Variants in KIF26B observed in about 807,000 individuals in gnomAD.
KIF26B encodes kinesin family member 26B, also known as kinesin-like protein KIF26B.
Under a neutral mutation model 151.2 loss-of-function variants are expected in KIF26B, and 63 were observed. The ratio of observed to expected loss-of-function variants is 0.42; its 90% CI spans 0.34 to 0.51. The LOEUF (loss-of-function observed/expected upper bound fraction) is 0.51, where lower values mean the gene tolerates loss of function less well. KIF26B is among the 20% of genes least tolerant of loss of function. The pLI is 0.07. For synonymous variants in KIF26B, 1,357 were observed against 1,262.1 expected (o/e 1.08, Z -1.59); for missense variants, 2,813 against 2,913.6 (o/e 0.97, Z 0.79).
rs1477818999 is a variant in KIF26B at position 245,547,241 on chromosome 1, A to T, written c.1350+6291A>T. Among the ~76,000 whole-genome samples the T allele has an allele frequency of 2.6e-5, 4 of 152,218 alleles. No homozygotes were observed. In the East Asian group the frequency reaches 7.7e-4, roughly 29 times the overall value. On this transcript the variant is annotated intron_variant, in intron 5 of 14. Coordinates refer to ENST00000407071, the MANE Select transcript of KIF26B (RefSeq NM_018012.4). Reference sequence around the variant, plus strand: ...AAAGAGTGGGAACTGTTAGGAGAATATTCTCCGTTAGAGGTTACTGGGCAG... The same window carrying T: ...AAAGAGTGGGAACTGTTAGGAGAATTTTCTCCGTTAGAGGTTACTGGGCAG...
In KIF26B at chr1:245,510,330, A is replaced by G. The variant is rs184651277; in HGVS notation, c.1167-30437A>G. Among the ~76,000 whole-genome samples, 389 of 152,340 alleles carry G rather than the reference A, an allele frequency of 2.6e-3. 1 individual carries two copies. Among genetic ancestry groups the G allele is most frequent in the Non-Finnish European group, 3.7e-3 (250 of 68,018 alleles). ...ATGCAGATGTTATTCTCATGGGGATATATATCTGCATCTGTTTGTCTACAA... is the reference window on the plus strand; with the variant it reads ...ATGCAGATGTTATTCTCATGGGGATGTATATCTGCATCTGTTTGTCTACAA... On this transcript the variant is annotated intron_variant, in intron 4 of 14. Transcript: ENST00000407071.
At chr1:245,391,681 A>T (rs930077386) in intron 3 of KIF26B, among the ~76,000 whole-genome samples, 1 of 151,230 alleles carries the variant, frequency 6.6e-6, no homozygotes, top group Non-Finnish European at 1.5e-5. Flanking sequence ...AAAGAGAGAG[A>T]TTTGTGAAAA....
intron 5 of KIF26B, among the ~76,000 whole-genome samples, chr1:245,589,450 C>T (rs949817694): frequency 2.0e-5 from 3 of 152,098 alleles, no homozygotes; most frequent in Non-Finnish European, 4.4e-5. Flanking sequence ...TGCTGTCACC[C>T]CTAGCTCCTT....
At position 245,211,584 on chromosome 1, in the gene KIF26B, G is replaced by T. The variant is rs141366649; in HGVS notation, c.465+54901G>T. 4.5e-3 allele frequency among the ~76,000 whole-genome samples: 679 copies of T among 152,282 alleles called. 5 individuals are homozygous for T. The highest frequency in any genetic ancestry group is 0.017 in the Middle Eastern group (5 of 294). On this transcript the variant is annotated intron_variant, in intron 2 of 14. Transcript: ENST00000407071. The stretch of plus-strand genomic sequence containing the variant: ...GACTCATTTCTTTACTTTTTGTAGA[G>T]ATGGGGTCTTGCTGTGTTGCCCAGG...
At chr1:245,473,481 G>T (rs998521104) in intron 4 of KIF26B, among the ~76,000 whole-genome samples, 2 of 147,328 alleles carry the variant, frequency 1.4e-5, no homozygotes, top group Admixed American at 1.3e-4. Flanking sequence ...CGACAAAAGA[G>T]GCTGAATTCT....
chr1:245,229,825 A>G (rs956837300), intron 2 of KIF26B, among the ~76,000 whole-genome samples: 7 of 152,230 alleles, frequency 4.6e-5, no homozygotes, highest in African/African-American at 1.7e-4. Flanking sequence ...ATGAAGATGA[A>G]CAAAGAGAGC....
chr1:245,700,041 A>G (rs2044748857), intron 14 of KIF26B, among the ~76,000 whole-genome samples: 1 of 152,222 alleles, frequency 6.6e-6, no homozygotes, highest in South Asian at 2.1e-4. Context: ...CCACAGGGAT[A>G]AGGTGATAAC....
chr1:245,444,116 A>T (rs3038173), intron 4 of KIF26B, among the ~76,000 whole-genome samples: 1 of 71,200 alleles, frequency 1.4e-5, no homozygotes, highest in African/African-American at 3.7e-5. Context: ...CTGTTCACCT[A>T]GAGCGGTCAT....
intron 5 of KIF26B, among the ~76,000 whole-genome samples, chr1:245,558,305 C>T (rs1572126229): frequency 6.6e-6 from 1 of 152,234 alleles, no homozygotes; most frequent in African/African-American, 2.4e-5. Context: ...GCTCCCTGGC[C>T]TCTAGTTCCT....
chr1:245,536,389 C>T (rs988553758), intron 4 of KIF26B, among the ~76,000 whole-genome samples: 4 of 152,094 alleles, frequency 2.6e-5, no homozygotes, highest in African/African-American at 9.7e-5. Flanking sequence ...CAAAACATAC[C>T]GTGAGCTCTC....
At chr1:245,628,236 C>T (rs1433001362) in intron 9 of KIF26B, among the ~76,000 whole-genome samples, 1 of 150,718 alleles carries the variant, frequency 6.6e-6, no homozygotes, top group Non-Finnish European at 1.5e-5. Flanking sequence ...ATAACCCCAG[C>T]ACTTAGGGGA....
chr1:245,564,479 C>G lies in KIF26B; in HGVS notation c.1350+23529C>G, dbSNP rs2042988655. 6.6e-6 allele frequency among the ~76,000 whole-genome samples: 1 copy of G among 152,138 alleles called. No individual in the cohort carries two copies. The highest frequency in any genetic ancestry group is 2.4e-5 in the African/African-American group (1 of 41,426). On this transcript the variant is annotated intron_variant, in intron 5 of 14. Transcript: ENST00000407071. The surrounding 1 kb of genome is among the most constrained non-coding windows in gnomAD (Gnocchi z 4.6). ...AGTGTTGCTGACTGGTGGGGAGGGA[C>G]AGCATCGCCTCAGTGAAAGTTTTGG... is the stretch of plus-strand genomic sequence containing the variant.
intron 4 of KIF26B, among the ~76,000 whole-genome samples, chr1:245,453,640 A>T (rs538134143): frequency 6.6e-6 from 1 of 152,246 alleles, no homozygotes; most frequent in Admixed American, 6.5e-5. Context: ...CTTCTGCTGT[A>T]AATTGTGACT....
intron 2 of KIF26B, among the ~76,000 whole-genome samples, chr1:245,366,307 T>C (rs58618808): frequency 0.055 from 8,360 of 151,918 alleles, 600 homozygotes; most frequent in East Asian, 0.26. Flanking sequence ...CCGAGGCGGG[T>C]GGATCACGAG....
At chr1:245,260,640 TTGAC>T (rs1303748002) in intron 2 of KIF26B, among the ~76,000 whole-genome samples, 1 of 152,236 alleles carries the variant, frequency 6.6e-6, no homozygotes, top group Non-Finnish European at 1.5e-5. Context: ...TTTCCTTCCT[TTGAC>T]TGGCAGGAAG....
intron 1 of KIF26B, 111 bp from the exon 2 acceptor site, chr1:245,156,171 G>A (rs1430387281): frequency 6.9e-7 from 1 of 1,441,558 alleles, no homozygotes; most frequent in Non-Finnish European, 9.1e-7. Context: ...GTCCCCAACC[G>A]ACTCCCGTGG....
chr1:245,308,118 G>A (rs1671593437), intron 2 of KIF26B, among the ~76,000 whole-genome samples: 1 of 152,186 alleles, frequency 6.6e-6, no homozygotes, highest in South Asian at 2.1e-4. Flanking sequence ...CCGATTAAAT[G>A]GGAATTTTTC....
At chr1:245,690,771 G>A (rs1326578937) in intron 12 of KIF26B, among the ~76,000 whole-genome samples, 1 of 151,798 alleles carries the variant, frequency 6.6e-6, no homozygotes, top group Non-Finnish European at 1.5e-5. Context: ...TCTTTGATAC[G>A]CTTTGACTCT....
intron 3 of KIF26B, among the ~76,000 whole-genome samples, chr1:245,392,893 G>C (rs1340968528): frequency 6.6e-6 from 1 of 152,100 alleles, no homozygotes; most frequent in African/African-American, 2.4e-5. Flanking sequence ...TTGGGGGGCT[G>C]GGTGCGGTAG....
Sources: gnomAD v4.1 joint callset for allele counts (sites outside exome capture counted in the v4.1 genomes callset) on GRCh38, gnomAD v4.1.1 for gene constraint, Gnocchi (gnomAD v3.1) non-coding constraint, MANE v1.5 for transcripts, NCBI Gene and HGNC (gene_info 2026-07-23, HGNC 2026-07-21) for gene names.